The following WDR49 variants were observed in gnomAD, a reference collection of about 807,000 sequenced individuals.
The protein encoded by WDR49 is cilia- and flagella-associated protein 337.
Under a neutral mutation model 119.5 loss-of-function variants are expected in WDR49, and 107 were observed. That is an observed-to-expected ratio of 0.90 (90% confidence interval 0.77 to 1.05). WDR49 has a LOEUF of 1.05. Among genes scored for constraint, WDR49 ranks in the 50% least tolerant of loss-of-function variants. The pLI is 0.00. For missense variants in WDR49, 1,240 were observed against 1,220.5 expected (o/e 1.02, Z -0.24); for synonymous variants, 425 against 418.8 (o/e 1.01, Z -0.18).
chr3:167,604,694 G>A (rs1307750827), intron 5 of WDR49, among the ~76,000 whole-genome samples: 1 of 152,064 alleles, frequency 6.6e-6, no homozygotes, highest in Non-Finnish European at 1.5e-5. Flanking sequence ...CCCAATCTAG[G>A]GAAAGATAAG....
chr3:167,649,732 A>G (rs1316288388), intron 2 of WDR49, among the ~76,000 whole-genome samples: 1 of 152,178 alleles, frequency 6.6e-6, no homozygotes, highest in African/African-American at 2.4e-5. Context: ...TTCTTACACT[A>G]AAACTATTTG....
At chr3:167,515,579 A>G (rs909131197) in intron 16 of WDR49, among the ~76,000 whole-genome samples, 3 of 152,214 alleles carry the variant, frequency 2.0e-5, no homozygotes, top group Non-Finnish European at 4.4e-5. Flanking sequence ...AACCGGCACA[A>G]GACAAAGATG....
chr3:167,629,788 A>G (rs1408123504), intron 2 of WDR49, among the ~76,000 whole-genome samples: 1 of 152,090 alleles, frequency 6.6e-6, no homozygotes, highest in Non-Finnish European at 1.5e-5. Flanking sequence ...ACTTAGATGA[A>G]GAAAGTAACT....
At chr3:167,550,145 T>A (rs188358222) in intron 10 of WDR49, among the ~76,000 whole-genome samples, 8 of 152,146 alleles carry the variant, frequency 5.3e-5, no homozygotes, top group African/African-American at 9.7e-5. Flanking sequence ...CCAGCTTTGT[T>A]CTTTTGGCTT....
intron 7 of WDR49, among the ~76,000 whole-genome samples, chr3:167,598,803 C>A (rs1715621731): frequency 6.6e-6 from 1 of 152,222 alleles, no homozygotes; most frequent in Non-Finnish European, 1.5e-5. Context: ...TTAGGGGGCA[C>A]CCCAAACCCA....
At chr3:167,607,164 G>A (rs1247155125) in intron 5 of WDR49, among the ~76,000 whole-genome samples, 1 of 152,130 alleles carries the variant, frequency 6.6e-6, no homozygotes, top group Non-Finnish European at 1.5e-5. Context: ...TTTATGGTCA[G>A]GAGGTTACAC....
chr3:167,640,310 A>G (rs1717820097), intron 2 of WDR49, among the ~76,000 whole-genome samples: 2 of 151,820 alleles, frequency 1.3e-5, no homozygotes, highest in Admixed American at 6.6e-5. Context: ...ACTCCTTTTC[A>G]TCAGCATTTA....
chr3:167,632,570 A>G (rs1717422316), intron 2 of WDR49, among the ~76,000 whole-genome samples: 2 of 152,076 alleles, frequency 1.3e-5, no homozygotes, highest in African/African-American at 4.8e-5. Context: ...TTTACTAAAA[A>G]ATCCTAACTT....
At position 167,536,879 on chromosome 3, in the gene WDR49, G is replaced by A; in HGVS notation, c.1945C>T (p.Leu649Phe). Residue 649 changes from leucine (L) to phenylalanine (F), a missense_variant, in exon 11 of 19, where the codon CTT becomes TTT. Coordinates refer to ENST00000682715, the MANE Select transcript of WDR49 (RefSeq NM_001366157.1). ...TGAAAGTTCAATTTACCCGTAACAAGAGTTTGTGGAGGTAAAAACGCAGCA... is the reference window on the plus strand; with the variant it reads ...TGAAAGTTCAATTTACCCGTAACAAAAGTTTGTGGAGGTAAAAACGCAGCA... ...LCAAFLPPQT[L>F]VTGSYDGEIV... 6.6e-7 allele frequency: 1 copy of A among 1,509,926 alleles called. No homozygotes were observed. Among genetic ancestry groups the A allele is most frequent in the Non-Finnish European group, 8.9e-7 (1 of 1,128,028 alleles). The allele number at this position is 1,509,926 out of a possible 1,614,324, so 93.5% of individuals were successfully genotyped here.
intron 2 of WDR49, among the ~76,000 whole-genome samples, chr3:167,648,294 T>C (rs1236489514): frequency 6.6e-6 from 1 of 152,186 alleles, no homozygotes; most frequent in Non-Finnish European, 1.5e-5. Context: ...TTCATCATTT[T>C]TACCTACACT....
intron 18 of WDR49, among the ~76,000 whole-genome samples, chr3:167,494,865 G>A (rs114120439): frequency 0.017 from 2,633 of 152,228 alleles, 44 homozygotes; most frequent in Middle Eastern, 0.085. Context: ...TTTGCAGTAC[G>A]TGGGAGACAA....
chr3:167,632,305 A>G (rs954572082), intron 2 of WDR49, among the ~76,000 whole-genome samples: 1 of 152,120 alleles, frequency 6.6e-6, no homozygotes, highest in African/African-American at 2.4e-5. Context: ...TATTAGAAAC[A>G]AATTGTAAAT....
chr3:167,526,264 TC>T (rs2108236791), intron 15 of WDR49, among the ~76,000 whole-genome samples: 1 of 152,282 alleles, frequency 6.6e-6, no homozygotes, highest in African/African-American at 2.4e-5. Flanking sequence ...AGCACACATT[TC>T]TGAATTAAAA....
intron 18 of WDR49, among the ~76,000 whole-genome samples, chr3:167,487,700 T>A (rs1750978252): frequency 6.6e-6 from 1 of 151,738 alleles, no homozygotes; most frequent in South Asian, 2.1e-4. Context: ...AACAACACTA[T>A]CAAAAAATGG....
chr3:167,606,996 A>G (rs1716092201), intron 5 of WDR49, among the ~76,000 whole-genome samples: 2 of 152,178 alleles, frequency 1.3e-5, no homozygotes, highest in African/African-American at 4.8e-5. Flanking sequence ...ATGTAAAAAT[A>G]TGATTGGAAA....
intron 9 of WDR49, among the ~76,000 whole-genome samples, chr3:167,555,778 T>C (rs1003958280): frequency 1.3e-5 from 2 of 152,136 alleles, no homozygotes; most frequent in Non-Finnish European, 2.9e-5. Context: ...TTTTTTCCTA[T>C]ATAAAGTCAC....
intron 10 of WDR49, among the ~76,000 whole-genome samples, chr3:167,550,422 T>C (rs983132234): frequency 1.1e-4 from 17 of 152,182 alleles, no homozygotes; most frequent in Admixed American, 5.2e-4. Flanking sequence ...CCCTTGTAAG[T>C]TGGATTCCTA....
At chr3:167,614,658 T>C (rs1481558230) in intron 5 of WDR49, among the ~76,000 whole-genome samples, 3 of 152,206 alleles carry the variant, frequency 2.0e-5, no homozygotes, top group Non-Finnish European at 4.4e-5. Flanking sequence ...CTGAACCTTA[T>C]CTTAAAGCAC....
At chr3:167,556,696 G>A (rs1350358107) in intron 9 of WDR49, among the ~76,000 whole-genome samples, 1 of 152,028 alleles carries the variant, frequency 6.6e-6, no homozygotes, top group African/African-American at 2.4e-5. Flanking sequence ...GACCAGCCTG[G>A]CCAACATGGT....
Sources: gnomAD v4.1 joint callset for allele counts (sites outside exome capture counted in the v4.1 genomes callset) on GRCh38, gnomAD v4.1.1 for gene constraint, MANE v1.5 for transcripts, NCBI Gene and HGNC (gene_info 2026-07-23, HGNC 2026-07-21) for gene names.